Variants in MCC observed in about 807,000 individuals in gnomAD.
MCC encodes colorectal mutant cancer protein.
MCC carries 90 observed loss-of-function variants against 116.2 expected under a neutral mutation model. The observed-to-expected ratio is 0.77, with a 90% CI of 0.65 to 0.92. The LOEUF is 0.92. MCC is among the 40% of genes least tolerant of loss of function. MCC has a pLI of 0.00. For missense variants in MCC, 1,516 were observed against 1,312.2 expected (o/e 1.16, Z -2.40); for synonymous variants, 578 against 510.5 (o/e 1.13, Z -1.78).
intron 3 of MCC, among the ~76,000 whole-genome samples, chr5:113,214,985 G>T (rs933998513): frequency 6.6e-6 from 1 of 152,080 alleles, no homozygotes; most frequent in South Asian, 2.1e-4. Flanking sequence ...TGCCCTTGGG[G>T]CTTTGCACAC....
chr5:113,232,780 T>A (rs1195584343), intron 3 of MCC, among the ~76,000 whole-genome samples: 1 of 152,132 alleles, frequency 6.6e-6, no homozygotes, highest in South Asian at 2.1e-4. Flanking sequence ...AAACCCAGAC[T>A]CTTCACCATG....
intron 17 of MCC, among the ~76,000 whole-genome samples, chr5:113,039,701 C>T: frequency 6.9e-6 from 1 of 144,654 alleles, no homozygotes; most frequent in Non-Finnish European, 1.5e-5. Flanking sequence ...GCCTTGCCGT[C>T]CCACTCCGCG....
chr5:113,242,321 T>G (rs1764402395), intron 3 of MCC, among the ~76,000 whole-genome samples: 1 of 152,198 alleles, frequency 6.6e-6, no homozygotes, highest in African/African-American at 2.4e-5. Flanking sequence ...TTGGTAAGTA[T>G]GTCAATGGTA....
chr5:113,257,823 A>G (rs1431433547), intron 3 of MCC, among the ~76,000 whole-genome samples: 4 of 152,176 alleles, frequency 2.6e-5, no homozygotes, highest in Non-Finnish European at 5.9e-5. Flanking sequence ...AGAAGTGATA[A>G]TCAATACCAC....
intron 4 of MCC, among the ~76,000 whole-genome samples, chr5:113,145,960 T>C (rs1338294459): frequency 6.6e-6 from 1 of 152,160 alleles, no homozygotes; most frequent in Non-Finnish European, 1.5e-5. Flanking sequence ...TTCAGTCAGA[T>C]GGAATAGGGC....
rs553566554 is a variant in MCC at position 113,161,165 on chromosome 5, A to T, written c.628-9743T>A. Reference sequence around the variant, plus strand: ...TGGTTATACAAGGGTTTTTGGAAAGAAACACAGACAAAATAAAGACACTGC... The same window carrying T: ...TGGTTATACAAGGGTTTTTGGAAAGTAACACAGACAAAATAAAGACACTGC... On this transcript the variant is annotated intron_variant, in intron 3 of 18. Coordinates refer to ENST00000408903, the MANE Select transcript of MCC (RefSeq NM_001085377.2). 3.3e-5 allele frequency among the ~76,000 whole-genome samples: 5 copies of T among 152,346 alleles called. No individual in the cohort carries two copies. In the South Asian group the frequency reaches 1.0e-3, roughly 32 times the overall value.
At chr5:113,430,748 G>A (rs1237694360) in intron 1 of MCC, among the ~76,000 whole-genome samples, 1 of 152,140 alleles carries the variant, frequency 6.6e-6, no homozygotes, top group Non-Finnish European at 1.5e-5. Flanking sequence ...GATGACAGAA[G>A]CTGGTACAGA....
chr5:113,454,402 G>C (rs1470706386), intron 1 of MCC, among the ~76,000 whole-genome samples: 2 of 152,150 alleles, frequency 1.3e-5, no homozygotes, highest in Non-Finnish European at 2.9e-5. Context: ...ATGGTGCCTG[G>C]CCTGTGTTTT....
chr5:113,227,198 G>A (rs1226787978), intron 3 of MCC, among the ~76,000 whole-genome samples: 1 of 152,120 alleles, frequency 6.6e-6, no homozygotes, highest in Non-Finnish European at 1.5e-5. Context: ...TATTTCTCTA[G>A]ACACATTTGA....
At chr5:113,427,549 C>A (rs773465415) in intron 1 of MCC, among the ~76,000 whole-genome samples, 1 of 152,154 alleles carries the variant, frequency 6.6e-6, no homozygotes, top group Non-Finnish European at 1.5e-5. Context: ...AACTAACATG[C>A]ACAAGTGGCA....
chr5:113,117,749 C>T (rs893041243), intron 6 of MCC, among the ~76,000 whole-genome samples: 7 of 152,200 alleles, frequency 4.6e-5, no homozygotes, highest in African/African-American at 1.7e-4. Context: ...ATGCAGGATG[C>T]AATGAGTCTG....
At chr5:113,197,022 C>T (rs1762444995) in intron 3 of MCC, among the ~76,000 whole-genome samples, 1 of 152,118 alleles carries the variant, frequency 6.6e-6, no homozygotes, top group Non-Finnish European at 1.5e-5. Flanking sequence ...AAACCTGGTT[C>T]TGGAAATGTA....
intron 14 of MCC, among the ~76,000 whole-genome samples, chr5:113,059,035 G>C (rs1561765133): frequency 6.6e-6 from 1 of 152,158 alleles, no homozygotes; most frequent in Non-Finnish European, 1.5e-5. Flanking sequence ...GGCAGGCAGA[G>C]ACTGACAGGC....
intron 3 of MCC, among the ~76,000 whole-genome samples, chr5:113,339,172 G>C (rs1460012844): frequency 1.3e-5 from 2 of 151,070 alleles, no homozygotes; most frequent in African/African-American, 4.9e-5. Context: ...GTTGCAGTGA[G>C]CCAAGACTGC....
chr5:113,058,969 A>G (rs1015279460), intron 14 of MCC, among the ~76,000 whole-genome samples: 1 of 152,166 alleles, frequency 6.6e-6, no homozygotes, highest in African/African-American at 2.4e-5. Context: ...AGGGAGAACG[A>G]AAGCTGCCAG....
chr5:113,041,245 A>G (rs1751688405), intron 17 of MCC, among the ~76,000 whole-genome samples: 1 of 152,174 alleles, frequency 6.6e-6, no homozygotes, highest in South Asian at 2.1e-4. Context: ...GCCATCCTAT[A>G]AACAGGCCCG....
intron 11 of MCC, among the ~76,000 whole-genome samples, chr5:113,074,263 A>C (rs1038255843): frequency 2.0e-5 from 3 of 152,226 alleles, no homozygotes; most frequent in Non-Finnish European, 4.4e-5. Context: ...ATACCCACAC[A>C]AACAGGGTCT....
chr5:113,355,047 AGAAG>A (rs1487192656), intron 2 of MCC, among the ~76,000 whole-genome samples: 3 of 152,168 alleles, frequency 2.0e-5, no homozygotes, highest in Non-Finnish European at 2.9e-5. Flanking sequence ...TAATGACTGA[AGAAG>A]GAAATACTAT....
At chr5:113,433,921 T>G (rs774167263) in intron 1 of MCC, 1 of 1,614,016 alleles carries the variant, frequency 6.2e-7, no homozygotes, top group South Asian at 1.1e-5. Flanking sequence ...GTGGCAGACT[T>G]CTTGTCAGAG....
Sources: allele counts gnomAD v4.1 joint callset (sites outside exome capture counted in the v4.1 genomes callset), GRCh38; gene constraint gnomAD v4.1.1; transcripts MANE v1.5; gene names NCBI Gene and HGNC (gene_info 2026-07-23, HGNC 2026-07-21).